Variants in TWIST2 observed in about 807,000 individuals in gnomAD.
TWIST2 encodes the protein twist family bHLH transcription factor 2.
A neutral mutation model predicts 11.6 loss-of-function variants in TWIST2; 1 was observed. That is an observed-to-expected ratio of 0.09 (90% CI 0.03 to 0.41). TWIST2 has a LOEUF of 0.41. Among genes scored for constraint, TWIST2 ranks in the 10% least tolerant of loss-of-function variants. TWIST2 has a pLI of 0.98. For synonymous variants in TWIST2, 87 were observed against 96.6 expected, an observed-to-expected ratio of 0.90 and a Z score of 0.58; for missense variants, 168 against 226.4, an observed-to-expected ratio of 0.74 and a Z score of 1.66.
chr2:238,905,894 C>T (rs1187464406), intron 1 of TWIST2, among the ~76,000 whole-genome samples: 13 of 118,496 alleles, frequency 1.1e-4, no homozygotes, highest in Admixed American at 9.1e-4. Context: ...TGCGCGCATG[C>T]GCGTGTGTGC....
chr2:238,905,924 TGCGTGTGC>T (rs1365035418), intron 1 of TWIST2, among the ~76,000 whole-genome samples: 2 of 92,636 alleles, frequency 2.2e-5, no homozygotes, highest in African/African-American at 1.1e-4. Flanking sequence ...CGTGCAGGTG[TGCGTGTGC>T]GCGTGTGTGT....
At chr2:238,853,943 G>A (rs1318667402) in intron 1 of TWIST2, among the ~76,000 whole-genome samples, 1 of 152,214 alleles carries the variant, frequency 6.6e-6, no homozygotes, top group Non-Finnish European at 1.5e-5. Flanking sequence ...TGCAGTGTCT[G>A]CTTGTCTACC....
chr2:238,864,888 G>A lies in TWIST2; in HGVS notation c.*35+16155G>A, dbSNP rs1456844676. Among the ~76,000 whole-genome samples the A allele has an allele frequency of 6.6e-6, 1 of 152,192 alleles. No homozygotes were observed. Among genetic ancestry groups the A allele is most frequent in the African/African-American group, 2.4e-5 (1 of 41,450 alleles). On this transcript the variant is annotated intron_variant, in intron 1 of 1. Transcript: ENST00000612363. This position sits in a 1 kb window ranked among gnomAD's most constrained non-coding sequence, Gnocchi z 4.7. Reference sequence around the variant, plus strand: ...GGTGTGTGGCCAGGCCAGGCCTGGAGATCCGCCAGGAGCAGAGAGCTCCGG... The same window carrying A: ...GGTGTGTGGCCAGGCCAGGCCTGGAAATCCGCCAGGAGCAGAGAGCTCCGG...
rs572839682 is a variant in TWIST2 at position 238,867,872 on chromosome 2, C to T, written c.*35+19139C>T. Reference sequence around the variant, plus strand: ...AGTGGGAGGCAAAGGCTGGGGATGGCCGGATGGCCCTGGGACCAGCAGAAG... The same window carrying T: ...AGTGGGAGGCAAAGGCTGGGGATGGTCGGATGGCCCTGGGACCAGCAGAAG... On this transcript the variant is annotated intron_variant, in intron 1 of 1. Coordinates refer to ENST00000612363, the MANE Select transcript of TWIST2 (RefSeq NM_001271893.4). This position sits in a 1 kb window ranked among gnomAD's most constrained non-coding sequence, Gnocchi z 4.8. Among the ~76,000 whole-genome samples, 11 of 152,246 alleles carry T rather than the reference C, an allele frequency of 7.2e-5. No individual in the cohort carries two copies. The highest frequency in any genetic ancestry group is 1.9e-4 in the African/African-American group (8 of 41,542).
rs147978583 is a variant in TWIST2 at position 238,867,125 on chromosome 2, C to G, written c.*35+18392C>G. On this transcript the variant is annotated intron_variant, in intron 1 of 1. Coordinates refer to ENST00000612363, the MANE Select transcript of TWIST2 (RefSeq NM_001271893.4). The surrounding 1 kb of genome is among the most constrained non-coding windows in gnomAD (Gnocchi z 4.8). The stretch of plus-strand genomic sequence containing the variant: ...AAACAGAGGAGCCAGCCTCTTGTTT[C>G]GAGGGCCTTTTCCGTCCTCGAAGCC... Among the ~76,000 whole-genome samples, 1 of 152,122 alleles carries G rather than the reference C, an allele frequency of 6.6e-6. No individual in the cohort carries two copies. Among genetic ancestry groups the G allele is most frequent in the South Asian group, 2.1e-4 (1 of 4,830 alleles).
chr2:238,848,809 C>T (rs919613655), intron 1 of TWIST2, 76 bp downstream of exon 1: 151 of 1,158,322 alleles, frequency 1.3e-4, no homozygotes, highest in Non-Finnish European at 1.3e-4. Flanking sequence ...TTGGGGCCTG[C>T]TCGTGTCTCC....
intron 1 of TWIST2, among the ~76,000 whole-genome samples, chr2:238,869,001 C>A (rs1026719211): frequency 6.6e-6 from 1 of 152,234 alleles, no homozygotes; most frequent in African/African-American, 2.4e-5. Context: ...GTCGTCCGCA[C>A]CAGCATCAGG....
chr2:238,909,879 T>G lies in TWIST2; in HGVS notation c.*73T>G, dbSNP rs1304523066. ...GTCGGCGGCGCAAGTGGAATTGGGA[T>G]GCATTCGAGTCTGTAACTTCTGAAA... On this transcript the variant is annotated 3_prime_UTR_variant, in exon 2 of 2. Coordinates refer to ENST00000612363, the MANE Select transcript of TWIST2 (RefSeq NM_001271893.4). The G allele has an allele frequency of 5.3e-5, 8 of 152,212 alleles. No homozygotes were observed. The highest frequency in any genetic ancestry group is 1.9e-4 in the African/African-American group (8 of 41,434). 9.4% of individuals were successfully genotyped at this position (152,212 alleles called of 1,614,324 possible).
In TWIST2 at chr2:238,866,710, C is replaced by G. The variant is rs1283858637; in HGVS notation, c.*35+17977C>G. The stretch of plus-strand genomic sequence containing the variant: ...TCATGTTCCATGCCTTCACGCTGCT[C>G]TCCCTTGACTGGAATCTCCCTTGTG... On this transcript the variant is annotated intron_variant, in intron 1 of 1. Transcript: ENST00000612363. This position sits in a 1 kb window ranked among gnomAD's most constrained non-coding sequence, Gnocchi z 4.9. Among the ~76,000 whole-genome samples the G allele has an allele frequency of 6.6e-6, 1 of 152,172 alleles. No homozygotes were observed. The highest frequency in any genetic ancestry group is 2.4e-5 in the African/African-American group (1 of 41,456).
intron 1 of TWIST2, among the ~76,000 whole-genome samples, chr2:238,855,486 C>T (rs182378764): frequency 1.1e-3 from 161 of 152,326 alleles, no homozygotes; most frequent in Non-Finnish European, 2.0e-3. Context: ...GCTTTCCTCT[C>T]GTTCATGATA....
intron 1 of TWIST2, among the ~76,000 whole-genome samples, chr2:238,908,123 C>A (rs1693386685): frequency 6.7e-6 from 1 of 150,350 alleles, no homozygotes; most frequent in South Asian, 2.1e-4. Context: ...CATACACATA[C>A]ACATAGATAC....
intron 1 of TWIST2, among the ~76,000 whole-genome samples, chr2:238,871,649 A>C (rs1204765215): frequency 0.047 from 1,266 of 26,938 alleles, no homozygotes; most frequent in Middle Eastern, 0.12. Context: ...ACACACAAAC[A>C]CCCCCCCCAC....
chr2:238,890,903 GA>G (rs1295484818), intron 1 of TWIST2, among the ~76,000 whole-genome samples: 1 of 152,098 alleles, frequency 6.6e-6, no homozygotes, highest in Non-Finnish European at 1.5e-5. Flanking sequence ...ACAGCACTGA[GA>G]CACTCGACTC....
intron 1 of TWIST2, among the ~76,000 whole-genome samples, chr2:238,900,999 T>A (rs1371061435): frequency 6.6e-6 from 1 of 151,412 alleles, no homozygotes; most frequent in Non-Finnish European, 1.5e-5. Context: ...TTTTTTTTTT[T>A]TTCTGAGTCT....
intron 1 of TWIST2, among the ~76,000 whole-genome samples, chr2:238,898,753 G>T (rs1052740990): frequency 2.0e-5 from 3 of 152,250 alleles, no homozygotes; most frequent in Non-Finnish European, 2.9e-5. Context: ...TGAGGCTTCC[G>T]TTGGGGTGGG....
chr2:238,873,398 G>C (rs1412668169), intron 1 of TWIST2, among the ~76,000 whole-genome samples: 2 of 152,174 alleles, frequency 1.3e-5, no homozygotes, highest in East Asian at 3.9e-4. Flanking sequence ...AAGGACATCT[G>C]AAGAAATGAC....
In TWIST2 at chr2:238,880,919, A is replaced by G. The variant is rs1165618610; in HGVS notation, c.*36-28923A>G. 4.0e-5 allele frequency among the ~76,000 whole-genome samples: 4 copies of G among 100,568 alleles called. 1 individual carries two copies. The highest frequency in any genetic ancestry group is 1.1e-4 in the Admixed American group (1 of 8,818). The allele number at this position is 100,568 out of a possible 152,430, so 66.0% of individuals were successfully genotyped here. On this transcript the variant is annotated intron_variant, in intron 1 of 1. Transcript: ENST00000612363. ...TATTATTATTAGTGTTAGTGTCAGT[A>G]TTAGTGTTAGTATTTATTTGTGTTA...
chr2:238,901,692 C>T (rs1003376337), intron 1 of TWIST2, among the ~76,000 whole-genome samples: 38 of 152,226 alleles, frequency 2.5e-4, no homozygotes, highest in African/African-American at 8.9e-4. Flanking sequence ...GAGGCTGGGT[C>T]CAGACTCGGC....
chr2:238,884,359 G>A (rs553053989), intron 1 of TWIST2, among the ~76,000 whole-genome samples: 126 of 152,378 alleles, frequency 8.3e-4, no homozygotes, highest in Non-Finnish European at 1.3e-3. Flanking sequence ...TCCCCAGACA[G>A]CAAGTGGCAC....
Sources: allele counts gnomAD v4.1 joint callset (sites outside exome capture counted in the v4.1 genomes callset), GRCh38; gene constraint gnomAD v4.1.1; non-coding constraint Gnocchi (gnomAD v3.1); transcripts MANE v1.5; gene names NCBI Gene and HGNC (gene_info 2026-07-23, HGNC 2026-07-21).